FAM227B: variants seen among roughly 807,000 people sequenced by gnomAD.
FAM227B encodes protein FAM227B.
Under a neutral mutation model 73.8 loss-of-function variants are expected in FAM227B, and 88 were observed. The ratio of observed to expected loss-of-function variants is 1.19; its 90% CI spans 1.00 to 1.42. FAM227B has a LOEUF of 1.42. FAM227B is among the 40% of genes most tolerant of loss of function. The pLI is 0.00. For missense variants in FAM227B, 632 were observed against 590.9 expected, an observed-to-expected ratio of 1.07 and a Z score of -0.72; for synonymous variants, 210 against 190.5, an observed-to-expected ratio of 1.10 and a Z score of -0.84.
chr15:49,422,382 T>A (rs1860567125), intron 11 of FAM227B: 2 of 354,056 alleles, frequency 5.6e-6, no homozygotes, highest in Non-Finnish European at 9.2e-6. Flanking sequence ...TTATTTACCT[T>A]AGCAATACAT....
At chr15:49,388,054 G>A (rs12708418) in intron 11 of FAM227B, among the ~76,000 whole-genome samples, 24,531 of 151,596 alleles carry the variant, frequency 0.16, 3,132 homozygotes, top group African/African-American at 0.35. Flanking sequence ...TGATCATACT[G>A]CCCAAAGGAA....
intron 11 of FAM227B, among the ~76,000 whole-genome samples, chr15:49,435,413 G>T (rs1252180244): frequency 6.6e-6 from 1 of 151,618 alleles, no homozygotes; most frequent in East Asian, 1.9e-4. Flanking sequence ...TTTCAACTAT[G>T]TAATCAAGAC....
At position 49,420,915 on chromosome 15, in the gene FAM227B, C is replaced by T. The variant is rs140722595; in HGVS notation, c.1013-49516G>A. ...TAGAGACGGGGTTTCACTGTGTTAGCCAGGATGGTCTCGATCTCCTGACTT... is the reference window on the plus strand; with the variant it reads ...TAGAGACGGGGTTTCACTGTGTTAGTCAGGATGGTCTCGATCTCCTGACTT... On this transcript the variant is annotated intron_variant, in intron 11 of 15. Transcript: ENST00000299338. Among the ~76,000 whole-genome samples the T allele has an allele frequency of 4.5e-4, 68 of 152,146 alleles. 3 individuals are homozygous for T. In the East Asian group the frequency reaches 0.012, roughly 27 times the overall value.
At chr15:49,485,583 T>C (rs936255662) in intron 11 of FAM227B, 2 of 152,486 alleles carry the variant, frequency 1.3e-5, no homozygotes, top group Non-Finnish European at 2.9e-5. Flanking sequence ...TGACTGACAC[T>C]AAGTCTAGCA....
chr15:49,590,558 T>A (rs547624723), intron 3 of FAM227B, among the ~76,000 whole-genome samples: 19 of 152,022 alleles, frequency 1.2e-4, no homozygotes, highest in Non-Finnish European at 1.0e-4. Flanking sequence ...TAAAGTATAA[T>A]TGACAAATTA....
intron 10 of FAM227B, among the ~76,000 whole-genome samples, chr15:49,528,214 A>T (rs1029484427): frequency 1.3e-5 from 2 of 151,896 alleles, no homozygotes; most frequent in African/African-American, 4.8e-5. Flanking sequence ...CAACCAATTG[A>T]TCTTTGACTA....
intron 11 of FAM227B, among the ~76,000 whole-genome samples, chr15:49,507,900 G>T (rs757113006): frequency 6.6e-6 from 1 of 151,516 alleles, no homozygotes; most frequent in Non-Finnish European, 1.5e-5. Flanking sequence ...TAATTTAAAT[G>T]AACAAAATAA....
In FAM227B at chr15:49,328,257, A is replaced by C; in HGVS notation, c.*311T>G. 1 of 1,472,164 alleles carries C rather than the reference A, an allele frequency of 6.8e-7. No individual in the cohort carries two copies. Among genetic ancestry groups the C allele is most frequent in the Non-Finnish European group, 9.0e-7 (1 of 1,111,214 alleles). 91.2% of individuals were successfully genotyped at this position (1,472,164 alleles called of 1,614,324 possible). A position where few individuals can be genotyped will look rare whatever the true frequency, so the allele number is the denominator to read the frequency against. ...ATTAATCTTCCTTCTGTTTTGTATT[A>C]TGATGAACGGTTGCTATTATATCAA... On this transcript the variant is annotated 3_prime_UTR_variant, in exon 16 of 16. Transcript: ENST00000299338.
intron 13 of FAM227B, among the ~76,000 whole-genome samples, chr15:49,341,724 C>A (rs1256115754): frequency 6.6e-6 from 1 of 152,068 alleles, no homozygotes; most frequent in Non-Finnish European, 1.5e-5. Context: ...TTGCTGCATC[C>A]CAGAGATTTT....
intron 13 of FAM227B, among the ~76,000 whole-genome samples, chr15:49,364,829 A>G (rs1449161503): frequency 2.0e-5 from 3 of 152,170 alleles, no homozygotes; most frequent in Non-Finnish European, 4.4e-5. Context: ...TTTGAGTAAA[A>G]AAGCATAGGG....
intron 3 of FAM227B, among the ~76,000 whole-genome samples, chr15:49,600,350 C>CTTTT (rs373443382): frequency 7.8e-6 from 1 of 127,888 alleles, no homozygotes. Flanking sequence ...TTCTTTCTTT[C>CTTTT]TTTTTTTTTT....
intron 10 of FAM227B, among the ~76,000 whole-genome samples, chr15:49,508,592 T>C (rs11070699): frequency 0.43 from 65,706 of 151,732 alleles, 14,834 homozygotes; most frequent in East Asian, 0.74. Flanking sequence ...TGTTGGTAAA[T>C]GGGAAAGTAT....
intron 9 of FAM227B, among the ~76,000 whole-genome samples, chr15:49,542,933 T>C (rs2071291191): frequency 6.6e-6 from 1 of 152,038 alleles, no homozygotes; most frequent in Non-Finnish European, 1.5e-5. Flanking sequence ...GCTGGTTTCA[T>C]ATTTTTGCAA....
chr15:49,566,977 G>A (rs191429531), intron 9 of FAM227B, among the ~76,000 whole-genome samples: 28 of 152,170 alleles, frequency 1.8e-4, no homozygotes, highest in African/African-American at 6.5e-4. Flanking sequence ...AAGAATGGGG[G>A]ATACACAATG....
rs372787716 is a variant in FAM227B, at chr15:49,354,844, G to C, written c.1271+12604C>G. Among the ~76,000 whole-genome samples, 26 of 152,022 alleles carry C rather than the reference G, an allele frequency of 1.7e-4. 1 individual carries two copies. In the East Asian group the frequency reaches 4.5e-3, roughly 26 times the overall value. Reference sequence around the variant, plus strand: ...TCTGCAGACTTAAATGTCCCTGTCTGACAGCTTTGAAGAGAGCAGTGGTTC... The same window carrying C: ...TCTGCAGACTTAAATGTCCCTGTCTCACAGCTTTGAAGAGAGCAGTGGTTC... On this transcript the variant is annotated intron_variant, in intron 13 of 15. Coordinates refer to ENST00000299338, the MANE Select transcript of FAM227B (RefSeq NM_152647.3).
In FAM227B at chr15:49,595,496, G is replaced by A. The variant is rs896858578; in HGVS notation, c.106-5489C>T. ...CAGTACTGGGTTGAATAGAAGTGGT[G>A]AAAGTGGGCATACTTGTCTTGTTCA... On this transcript the variant is annotated intron_variant, in intron 3 of 15. Coordinates refer to ENST00000299338, the MANE Select transcript of FAM227B (RefSeq NM_152647.3). 2.5e-4 allele frequency among the ~76,000 whole-genome samples: 38 copies of A among 151,974 alleles called. 1 individual carries two copies. The highest frequency in any genetic ancestry group is 2.0e-3 in the Admixed American group (31 of 15,250).
At chr15:49,480,258 C>T (rs1245480519) in intron 11 of FAM227B, among the ~76,000 whole-genome samples, 2 of 152,000 alleles carry the variant, frequency 1.3e-5, no homozygotes, top group Non-Finnish European at 2.9e-5. Flanking sequence ...ATCCTTAACC[C>T]TAATATGTGG....
intron 11 of FAM227B, among the ~76,000 whole-genome samples, chr15:49,431,026 A>C (rs1567262407): frequency 6.6e-6 from 1 of 151,810 alleles, no homozygotes; most frequent in Non-Finnish European, 1.5e-5. Flanking sequence ...GTATCACACA[A>C]TTTTTGGTAG....
chr15:49,426,778 T>A (rs2151761039), intron 11 of FAM227B, among the ~76,000 whole-genome samples: 1 of 152,030 alleles, frequency 6.6e-6, no homozygotes, highest in African/African-American at 2.4e-5. Flanking sequence ...ACAATACCAG[T>A]GTACTAAAAA....
Sources: allele counts gnomAD v4.1 joint callset (sites outside exome capture counted in the v4.1 genomes callset), GRCh38; gene constraint gnomAD v4.1.1; transcripts MANE v1.5; gene names NCBI Gene and HGNC (gene_info 2026-07-23, HGNC 2026-07-21).